Variants in WDR27 observed in about 807,000 individuals in gnomAD.
WDR27 encodes the protein WD repeat-containing protein 27.
WDR27 carries 100 observed loss-of-function variants against 114.4 expected under a neutral mutation model. The observed-to-expected ratio is 0.87, with a 90% confidence interval of 0.74 to 1.03. WDR27 has a LOEUF of 1.03. Ranked by LOEUF, WDR27 falls within the 50% of genes least tolerant of loss-of-function variation. The pLI is 0.00. For missense variants in WDR27, 1,129 were observed against 1,092.9 expected, an observed-to-expected ratio of 1.03 and a Z score of -0.47; for synonymous variants, 449 against 423.1, an observed-to-expected ratio of 1.06 and a Z score of -0.75.
intron 24 of WDR27, among the ~76,000 whole-genome samples, chr6:169,577,379 G>A (rs1802561918): frequency 6.6e-6 from 1 of 152,216 alleles, no homozygotes; most frequent in Non-Finnish European, 1.5e-5. Flanking sequence ...TCTGCGAACG[G>A]GCGGCCACAG....
intron 25 of WDR27, among the ~76,000 whole-genome samples, chr6:169,477,374 C>G (rs998252203): frequency 2.6e-5 from 4 of 152,144 alleles, no homozygotes; most frequent in African/African-American, 9.7e-5. Context: ...CTTATATATC[C>G]CTCTGGCGGG....
chr6:169,617,397 C>A (rs75520477), intron 21 of WDR27, among the ~76,000 whole-genome samples: 6,702 of 152,114 alleles, frequency 0.044, 420 homozygotes, highest in African/African-American at 0.14. Context: ...TTTTTTGAGA[C>A]CGAGTTTCAC....
the WDR27 span, among the ~76,000 whole-genome samples, chr6:169,434,938 C>T: frequency 1.3e-5 from 2 of 152,208 alleles, no homozygotes; most frequent in Non-Finnish European, 2.9e-5. Context: ...TCACAGCAGC[C>T]CCTTCTATCA....
intron 2 of WDR27, among the ~76,000 whole-genome samples, chr6:169,680,880 T>C (rs1025401347): frequency 4.6e-5 from 7 of 152,282 alleles, no homozygotes; most frequent in Non-Finnish European, 7.4e-5. Context: ...TAAACACATA[T>C]GTGCTTAATA....
chr6:169,576,169 T>C (rs1802297731), intron 24 of WDR27, among the ~76,000 whole-genome samples: 1 of 152,230 alleles, frequency 6.6e-6, no homozygotes, highest in African/African-American at 2.4e-5. Flanking sequence ...TGTGTTCATG[T>C]TTGGAAATAT....
chr6:169,646,391 A>G (rs989787577), intron 16 of WDR27, among the ~76,000 whole-genome samples: 1 of 152,228 alleles, frequency 6.6e-6, no homozygotes, highest in Non-Finnish European at 1.5e-5. Flanking sequence ...AAATCAGCAG[A>G]TTGCCCAGAG....
chr6:169,512,976 C>T (rs1298572000), intron 25 of WDR27, among the ~76,000 whole-genome samples: 1 of 152,322 alleles, frequency 6.6e-6, no homozygotes, highest in African/African-American at 2.4e-5. Context: ...AATATACTTT[C>T]ACGAAATAAA....
In WDR27 at chr6:169,672,333, G is replaced by A; in HGVS notation, c.253C>T (p.Pro85Ser). ...AGTGATGCTGAGCAGATTAGAAGTG[G>A]GTTCACTTTATTTCCAAAAGCCATA... ...TAMAFGNKVN[P>S]LLICSASLDY... Residue 85 changes from proline (P) to serine (S), a missense_variant, in exon 3 of 26, where the codon CCA becomes TCA. By Grantham distance (74) the Pro-to-Ser change is moderately conservative (BLOSUM62 -1). Coordinates refer to ENST00000448612, the MANE Select transcript of WDR27 (RefSeq NM_182552.5). 6.2e-7 allele frequency: 1 copy of A among 1,613,112 alleles called. No individual in the cohort carries two copies. Among genetic ancestry groups the A allele is most frequent in the Non-Finnish European group, 8.5e-7 (1 of 1,179,398 alleles).
At chr6:169,559,592 C>T (rs1799388198) in intron 25 of WDR27, 1 of 152,188 alleles carries the variant, frequency 6.6e-6, no homozygotes, top group Non-Finnish European at 1.5e-5. Context: ...TGATTTGGAA[C>T]TGAGTTCTAG....
chr6:169,556,497 T>C (rs1214514583), intron 25 of WDR27, among the ~76,000 whole-genome samples: 1 of 152,126 alleles, frequency 6.6e-6, no homozygotes, highest in Non-Finnish European at 1.5e-5. Flanking sequence ...TAGATCCAAA[T>C]GGAATAAAAA....
intron 21 of WDR27, among the ~76,000 whole-genome samples, chr6:169,614,273 C>G (rs371161196): frequency 6.6e-6 from 1 of 152,300 alleles, no homozygotes; most frequent in African/African-American, 2.4e-5. Flanking sequence ...CATCCTCCTT[C>G]TAGGTCAAGA....
chr6:169,432,591 T>TACC, the WDR27 span, among the ~76,000 whole-genome samples: 2 of 152,362 alleles, frequency 1.3e-5, no homozygotes, highest in African/African-American at 4.8e-5. Flanking sequence ...TCCTCATGAC[T>TACC]ACCACCATGT....
intron 3 of WDR27, 117 bp from the exon 4 acceptor site, chr6:169,670,810 G>T (rs549783163): frequency 2.3e-6 from 3 of 1,331,646 alleles, no homozygotes; most frequent in Non-Finnish European, 2.1e-6. Context: ...GAATGACAAT[G>T]AGCTTTGATG....
At chr6:169,581,620 G>C (rs1296893975) in intron 24 of WDR27, among the ~76,000 whole-genome samples, 2 of 152,248 alleles carry the variant, frequency 1.3e-5, no homozygotes, top group Non-Finnish European at 2.9e-5. Flanking sequence ...ATCTGGAGCA[G>C]ACTGAAAAGA....
At chr6:169,550,350 G>A (rs995992196) in intron 25 of WDR27, among the ~76,000 whole-genome samples, 3 of 152,144 alleles carry the variant, frequency 2.0e-5, no homozygotes, top group African/African-American at 7.2e-5. Flanking sequence ...AGGCTACTGG[G>A]CCCACAGATC....
At chr6:169,689,112 T>C (rs1319043389) in intron 1 of WDR27, 100 bp from the exon 2 acceptor site, 1 of 723,428 alleles carries the variant, frequency 1.4e-6, no homozygotes, top group Non-Finnish European at 2.1e-6. Flanking sequence ...ACCACACACA[T>C]ATACCACATC....
intron 17 of WDR27, among the ~76,000 whole-genome samples, chr6:169,641,533 T>A (rs549436100): frequency 1.5e-4 from 23 of 152,234 alleles, no homozygotes; most frequent in Admixed American, 1.5e-3. Context: ...GTTTTAGACC[T>A]CTGGACCTAG....
At chr6:169,671,999 A>T in intron 3 of WDR27, 1 of 321,590 alleles carries the variant, frequency 3.1e-6, no homozygotes, top group Non-Finnish European at 5.6e-6. Flanking sequence ...GGGACATAAG[A>T]TCAAAACCAA....
At position 169,664,224 on chromosome 6, in the gene WDR27, C is replaced by G. The variant is rs1471597094; in HGVS notation, c.846G>C (p.Arg282Ser). ...HYRRVARVDL[R>S]KKTETFSTRR... Reference sequence around the variant, plus strand: ...TTGTGGAGAAAGTCTCTGTCTTCTTCCTTAGGTCAACCCGTGCCACACGAC... The same window carrying G: ...TTGTGGAGAAAGTCTCTGTCTTCTTGCTTAGGTCAACCCGTGCCACACGAC... Residue 282 changes from arginine (R) to serine (S), a missense_variant, in exon 8 of 26, where the codon AGG (arginine) becomes AGC (serine). Physicochemically the swap from Arg to Ser is moderately radical, Grantham distance 110. Coordinates refer to ENST00000448612, the MANE Select transcript of WDR27 (RefSeq NM_182552.5). 1 of 1,613,226 alleles carries G rather than the reference C, an allele frequency of 6.2e-7. No homozygotes were observed. Among genetic ancestry groups the G allele is most frequent in the Non-Finnish European group, 8.5e-7 (1 of 1,179,520 alleles).
Sources: allele counts gnomAD v4.1 joint callset (sites outside exome capture counted in the v4.1 genomes callset), GRCh38; gene constraint gnomAD v4.1.1; transcripts MANE v1.5; gene names NCBI Gene and HGNC (gene_info 2026-07-23, HGNC 2026-07-21).